Variants in CACNA1G observed in about 807,000 individuals in gnomAD.
CACNA1G encodes the protein calcium voltage-gated channel subunit alpha1 G.
A neutral mutation model predicts 219.4 loss-of-function variants in CACNA1G; 67 were observed. The observed-to-expected ratio is 0.31, with a 90% confidence interval of 0.25 to 0.37. The LOEUF (loss-of-function observed/expected upper bound fraction) is 0.37, where lower values mean the gene tolerates loss of function less well. CACNA1G is among the 10% of genes least tolerant of loss of function. The pLI, the probability that CACNA1G is intolerant of heterozygous loss-of-function variation, is 1.00. For synonymous variants in CACNA1G, 1,296 were observed against 1,345.3 expected, an observed-to-expected ratio of 0.96 and a Z score of 0.80; for missense variants, 2,380 against 3,231.4, an observed-to-expected ratio of 0.74 and a Z score of 6.39.
Position 50,618,371 on chromosome 17 carries a change from C to T in CACNA1G, c.5427+28C>T, listed in dbSNP as rs200604445. On this transcript the variant is annotated intron_variant, in intron 32 of 37. Coordinates refer to ENST00000359106, the MANE Select transcript of CACNA1G (RefSeq NM_018896.5). This position sits in a 1 kb window ranked among gnomAD's most constrained non-coding sequence, Gnocchi z 5.3. ...AAGGGCCCAGGGTTGGCCTAGGCTC[C>T]AGGGAGGCAGCCCCACTTCCTGAGC... The T allele has an allele frequency of 4.2e-4, 678 of 1,606,066 alleles. 2 individuals are homozygous for T. The highest frequency in any genetic ancestry group is 1.5e-4 in the Non-Finnish European group (173 of 1,174,494).
rs770394634 is a variant in CACNA1G at position 50,599,851 on chromosome 17, G to A, written c.3682G>A (p.Gly1228Ser). 1 of 1,606,210 alleles carries A rather than the reference G, an allele frequency of 6.2e-7. No homozygotes were observed. Among genetic ancestry groups the A allele is most frequent in the Non-Finnish European group, 8.5e-7 (1 of 1,179,232 alleles). ...PLDGDDADDE[G>S]NLSKGERVRA... Reference sequence around the variant, plus strand: ...GGATGGGGATGACGCCGATGACGAGGGCAACCTGGTGAGGCCCCTGTGGGC... The same window carrying A: ...GGATGGGGATGACGCCGATGACGAGAGCAACCTGGTGAGGCCCCTGTGGGC... The change falls in exon 17 of 38, where the codon GGC (glycine) becomes AGC (serine). Residue 1228 changes from glycine to serine, a missense_variant. Physicochemically the swap from Gly to Ser is moderately conservative, Grantham distance 56. Around this residue, in one of 17 missense-constraint regions of CACNA1G, gnomAD observed 418 missense variants for 434.3 expected, o/e 0.96. Transcript: ENST00000359106.
In CACNA1G at chr17:50,609,668, C is replaced by T. The variant is rs534496582; in HGVS notation, c.4706-214C>T. Among the ~76,000 whole-genome samples, 4 of 152,318 alleles carry T rather than the reference C, an allele frequency of 2.6e-5. No homozygotes were observed. In the South Asian group the frequency reaches 6.2e-4, roughly 24 times the overall value. On this transcript the variant is annotated intron_variant, in intron 25 of 37. Coordinates refer to ENST00000359106, the MANE Select transcript of CACNA1G (RefSeq NM_018896.5). ...TGCCCCTCCCGGTGCCTCCCTGCCC[C>T]GTGACCCTGACCAGCTAGCCACATT...
In CACNA1G at chr17:50,560,735, C is replaced by A. The variant is rs1253850100; in HGVS notation, c.-725C>A. 6.6e-6 allele frequency among the ~76,000 whole-genome samples: 1 copy of A among 152,190 alleles called. No individual in the cohort carries two copies. Among genetic ancestry groups the A allele is most frequent in the African/African-American group, 2.4e-5 (1 of 41,458 alleles). ...GTGGTGTGCGCGGGGCTCCTCGCCG[C>A]CGCTTTCGCTCGCTCGCTCCGCGTC... On this transcript the variant is annotated 5_prime_UTR_variant, in exon 1 of 38. Transcript: ENST00000359106.
chr17:50,620,159 G>T (rs1025062944), intron 34 of CACNA1G, among the ~76,000 whole-genome samples: 3 of 152,078 alleles, frequency 2.0e-5, no homozygotes, highest in Non-Finnish European at 4.4e-5. Context: ...GGGGACCTTA[G>T]GGGGTGGAGG....
intron 25 of CACNA1G, among the ~76,000 whole-genome samples, chr17:50,609,671 G>A (rs1024361292): frequency 2.6e-5 from 4 of 152,176 alleles, no homozygotes; most frequent in South Asian, 2.1e-4. Context: ...CCTGCCCCGT[G>A]ACCCTGACCA....
chr17:50,602,809 C>G lies in CACNA1G; in HGVS notation c.3916-11C>G, dbSNP rs558003305. ...TCCTGGCGGGCAACCCCTGCCTCCC[C>G]TCTCTTGCAGGAACGCATCTTCCTG... On this transcript the variant is annotated splice_polypyrimidine_tract_variant and intron_variant, in intron 19 of 37. Transcript: ENST00000359106. 3 of 1,613,550 alleles carry G rather than the reference C, an allele frequency of 1.9e-6. No homozygotes were observed. Among genetic ancestry groups the G allele is most frequent in the Non-Finnish European group, 2.5e-6 (3 of 1,179,722 alleles).
In CACNA1G at chr17:50,618,891, C is replaced by A. The variant is rs762525130; in HGVS notation, c.5664C>A (p.Ser1888Arg). 6.2e-6 allele frequency: 10 copies of A among 1,611,490 alleles called. No individual in the cohort carries two copies. In the East Asian group the frequency reaches 2.2e-4, roughly 36 times the overall value. Reference protein sequence around the residue: ...LSPQPHSPLGSPFLWPGVEGP... With the variant: ...LSPQPHSPLGRPFLWPGVEGP... Reference sequence around the variant, plus strand: ...CCCAGCCCCACTCGCCACTGGGCAGCCCCTTCCTCTGGCCTGGGGTCGAGG... The same window carrying A: ...CCCAGCCCCACTCGCCACTGGGCAGACCCTTCCTCTGGCCTGGGGTCGAGG... Residue 1888 changes from serine (S) to arginine (R), a missense_variant, in exon 33 of 38, where the codon AGC becomes AGA. Physicochemically the swap from Ser to Arg is moderately radical, Grantham distance 110. Transcript: ENST00000359106. This position sits in a 1 kb window ranked among gnomAD's most constrained non-coding sequence, Gnocchi z 5.3.
At chr17:50,615,546 C>G (rs780939099) in intron 27 of CACNA1G, 34 bp downstream of exon 27, 2 of 1,603,094 alleles carry the variant, frequency 1.2e-6, no homozygotes, top group East Asian at 4.5e-5. Context: ...CTGGCCCCCC[C>G]ACCTCCAGCT....
At chr17:50,580,627 T>C (rs2041751070) in intron 9 of CACNA1G, among the ~76,000 whole-genome samples, 1 of 152,194 alleles carries the variant, frequency 6.6e-6, no homozygotes, top group Non-Finnish European at 1.5e-5. Flanking sequence ...CACCTTCTTC[T>C]TGCTCAGGCT....
intron 26 of CACNA1G, among the ~76,000 whole-genome samples, chr17:50,610,259 G>A (rs1598626011): frequency 6.6e-6 from 1 of 152,348 alleles, no homozygotes; most frequent in South Asian, 2.1e-4. Context: ...TCGATTATTA[G>A]AGCTGCAAAT....
chr17:50,568,947 T>A lies in CACNA1G; in HGVS notation c.320T>A (p.Ile107Asn). The A allele has an allele frequency of 1.2e-6, 2 of 1,612,564 alleles. No homozygotes were observed. The highest frequency in any genetic ancestry group is 8.5e-7 in the Non-Finnish European group (1 of 1,179,796). ...TLGMFRPCEDIACDSQRCRIL... is the reference protein window; with the variant it reads ...TLGMFRPCEDNACDSQRCRIL... ...GGCATGTTCCGGCCATGCGAGGACA[T>A]CGCCTGTGACTCCCAGCGCTGCCGG... The change falls in exon 2 of 38, where the codon ATC becomes AAC. Residue 107 changes from isoleucine (I) to asparagine (N), a missense_variant. Coordinates refer to ENST00000359106, the MANE Select transcript of CACNA1G (RefSeq NM_018896.5).
At chr17:50,572,134 T>C in intron 5 of CACNA1G, 97 bp downstream of exon 5, 1 of 1,319,536 alleles carries the variant, frequency 7.6e-7, no homozygotes, top group Admixed American at 2.3e-5. Context: ...GACATATCTG[T>C]TCTAACATCT....
intron 16 of CACNA1G, 124 bp downstream of exon 16, chr17:50,597,047 G>A: frequency 1.1e-6 from 1 of 946,056 alleles, no homozygotes; most frequent in Non-Finnish European, 1.5e-6. Context: ...TGGGGCCTGG[G>A]TGTGCCTGGA....
chr17:50,604,132 A>ACCTC lies in CACNA1G; in HGVS notation c.4170-12_4170-9dup, dbSNP rs750258570. 2.3e-5 allele frequency: 37 copies of ACCTC among 1,604,382 alleles called. No homozygotes were observed. In the South Asian group the frequency reaches 4.1e-4, roughly 18 times the overall value. On this transcript the variant is annotated intron_variant, in intron 21 of 37. Coordinates refer to ENST00000359106, the MANE Select transcript of CACNA1G (RefSeq NM_018896.5). ...GGTCTGGGCTGGGGGAAGCCTTATC[A>ACCTC]CCTCCCTCCCTCCCCTCCCCAGGGT...
Position 50,604,191 on chromosome 17 carries a change from G to A in CACNA1G, c.4206G>A (p.Val1402=), listed in dbSNP as rs772031186. 5.6e-6 allele frequency: 9 copies of A among 1,613,656 alleles called. No homozygotes were observed. The highest frequency in any genetic ancestry group is 5.1e-6 in the Non-Finnish European group (6 of 1,179,720). ...ISRAQGLKLV[V]ETLMSSLKPI... is the part of the protein sequence containing the mutation. ...GGGCGCAGGGGCTGAAGCTGGTGGTGGAGACGCTGATGTCCTCACTGAAAC... is the reference window on the plus strand; with the variant it reads ...GGGCGCAGGGGCTGAAGCTGGTGGTAGAGACGCTGATGTCCTCACTGAAAC... The change falls in exon 22 of 38, where the codon GTG becomes GTA. Residue 1402 remains valine (V), a synonymous_variant. Transcript: ENST00000359106.
rs570615756 is a variant in CACNA1G, at chr17:50,626,274, G to A, written c.6657G>A (p.Thr2219=). The A allele has an allele frequency of 3.1e-5, 50 of 1,613,564 alleles. 1 individual carries two copies. The South Asian group carries it at 4.7e-4, about 15-fold the overall frequency. ...PETRSSLELD[T]ELSWISGDLL... ...CCAGAAGCAGCTTAGAGTTGGACAC[G>A]GAGCTGAGCTGGATTTCAGGAGACC... The change falls in exon 38 of 38, where the codon ACG becomes ACA. Residue 2219 remains threonine (T), a synonymous_variant. Transcript: ENST00000359106. The surrounding 1 kb of genome is among the most constrained non-coding windows in gnomAD (Gnocchi z 4.3).
chr17:50,604,072 T>C, intron 21 of CACNA1G, 83 bp from the exon 22 acceptor site: 2 of 1,441,156 alleles, frequency 1.4e-6, no homozygotes, highest in Non-Finnish European at 1.9e-6. Flanking sequence ...GTGGTCAAGG[T>C]TGGGGGTGGG....
chr17:50,578,373 G>C lies in CACNA1G; in HGVS notation c.2110G>C (p.Asp704His). The C allele has an allele frequency of 6.2e-7, 1 of 1,613,246 alleles. No individual in the cohort carries two copies. The highest frequency in any genetic ancestry group is 8.5e-7 in the Non-Finnish European group (1 of 1,179,850). Residue 704 changes from aspartate (D) to histidine (H), a missense_variant, in exon 9 of 38, where the codon GAC (aspartate) becomes CAC (histidine). Asp to His is a moderately conservative substitution (Grantham distance 81, BLOSUM62 -1). Transcript: ENST00000359106. This position sits in a 1 kb window ranked among gnomAD's most constrained non-coding sequence, Gnocchi z 4.5. ...YEFTQDAQHSDLRDPHSRRQR... is the reference protein window; with the variant it reads ...YEFTQDAQHSHLRDPHSRRQR... ...GTTCACACAGGATGCCCAGCACAGC[G>C]ACCTCCGGGACCCCCACAGCCGGCG... is the stretch of plus-strand genomic sequence containing the variant.
At position 50,594,431 on chromosome 17, in the gene CACNA1G, G is replaced by A. The variant is rs1598403614; in HGVS notation, c.2911-562G>A. On this transcript the variant is annotated intron_variant, in intron 13 of 37. Transcript: ENST00000359106. ...ATGAGGCCTGACTTGGCTCCGTGTT[G>A]ACTCTGACTTTCGTCCATTCCTTTC... is the stretch of plus-strand genomic sequence containing the variant. Among the ~76,000 whole-genome samples the A allele has an allele frequency of 2.6e-5, 4 of 152,304 alleles. No homozygotes were observed. The South Asian group carries it at 8.3e-4, about 32-fold the overall frequency.
Sources: gnomAD v4.1 joint callset for allele counts (sites outside exome capture counted in the v4.1 genomes callset) on GRCh38, gnomAD v4.1.1 for gene constraint, gnomAD v4.1.1 regional missense constraint, Gnocchi (gnomAD v3.1) non-coding constraint, MANE v1.5 for transcripts, NCBI Gene and HGNC (gene_info 2026-07-23, HGNC 2026-07-21) for gene names.